SLCO1B1: variants seen among roughly 807,000 people sequenced by gnomAD.
The protein encoded by SLCO1B1 is solute carrier organic anion transporter family member 1B1, also known as OATP-2.
Under a neutral mutation model 70.1 loss-of-function variants are expected in SLCO1B1, and 81 were observed. The observed-to-expected ratio is 1.16, with a 90% CI of 0.97 to 1.39. The LOEUF (loss-of-function observed/expected upper bound fraction) is 1.39. SLCO1B1 is among the 40% of genes most tolerant of loss of function. The pLI is 0.00. For missense variants in SLCO1B1, 895 were observed against 799.6 expected, an observed-to-expected ratio of 1.12 and a Z score of -1.44; for synonymous variants, 283 against 271.5, an observed-to-expected ratio of 1.04 and a Z score of -0.42.
At chr12:21,238,082 A>T (rs1267903774) in intron 14 of SLCO1B1, among the ~76,000 whole-genome samples, 1 of 151,738 alleles carries the variant, frequency 6.6e-6, no homozygotes, top group Admixed American at 6.6e-5. Flanking sequence ...TTTCCATTAC[A>T]CCCACTTATA....
chr12:21,221,047 A>C (rs1941418120), intron 12 of SLCO1B1, among the ~76,000 whole-genome samples: 1 of 151,976 alleles, frequency 6.6e-6, no homozygotes, highest in African/African-American at 2.4e-5. Context: ...GATAAGACAA[A>C]ATTAAAAACA....
At chr12:21,151,290 A>G (rs1418418529) in intron 2 of SLCO1B1, among the ~76,000 whole-genome samples, 2 of 152,160 alleles carry the variant, frequency 1.3e-5, no homozygotes, top group African/African-American at 2.4e-5. Context: ...GACATGTGTG[A>G]CTGTAGTTAG....
chr12:21,216,623 T>C (rs1350601591), intron 11 of SLCO1B1, among the ~76,000 whole-genome samples: 1 of 152,142 alleles, frequency 6.6e-6, no homozygotes, highest in African/African-American at 2.4e-5. Context: ...TTAGCATCTC[T>C]ACCTGTCTCT....
At chr12:21,174,971 C>T (rs765020098) in intron 4 of SLCO1B1, among the ~76,000 whole-genome samples, 5 of 152,080 alleles carry the variant, frequency 3.3e-5, no homozygotes, top group Non-Finnish European at 5.9e-5. Flanking sequence ...TTTAGTATAA[C>T]GTATATACTG....
chr12:21,229,478 G>A (rs1941512235), intron 14 of SLCO1B1, among the ~76,000 whole-genome samples: 2 of 152,268 alleles, frequency 1.3e-5, no homozygotes, highest in South Asian at 2.1e-4. Context: ...CATACAGTAT[G>A]TAGCATTTTT....
intron 7 of SLCO1B1, among the ~76,000 whole-genome samples, chr12:21,184,026 C>T (rs1394749338): frequency 1.3e-5 from 2 of 151,514 alleles, no homozygotes; most frequent in African/African-American, 4.8e-5. Context: ...TTATAATCCA[C>T]TCCATCAGAC....
Position 21,197,056 on chromosome 12 carries a change from C to G in SLCO1B1, c.838C>G (p.Pro280Ala). The G allele has an allele frequency of 2.5e-6, 4 of 1,613,568 alleles. No homozygotes were observed. The highest frequency in any genetic ancestry group is 3.4e-6 in the Non-Finnish European group (4 of 1,179,724). Reference sequence around the variant, plus strand: ...TTCTTCCATACCATTCTTTTTCTTGCCCCAAACTCCAAATAAACCACAAAA... The same window carrying G: ...TTCTTCCATACCATTCTTTTTCTTGGCCCAAACTCCAAATAAACCACAAAA... ...IISSIPFFFLPQTPNKPQKER... is the reference protein window; with the variant it reads ...IISSIPFFFLAQTPNKPQKER... Residue 280 changes from proline (P) to alanine (A), a missense_variant, in exon 8 of 15, where the codon CCC (proline) becomes GCC (alanine). Coordinates refer to ENST00000256958, the MANE Select transcript of SLCO1B1 (RefSeq NM_006446.5).
At chr12:21,194,187 G>T (rs1941065530) in intron 7 of SLCO1B1, among the ~76,000 whole-genome samples, 1 of 150,588 alleles carries the variant, frequency 6.6e-6, no homozygotes, top group African/African-American at 2.4e-5. Flanking sequence ...GGCTTATTTT[G>T]TACTTTATTA....
intron 14 of SLCO1B1, 106 bp downstream of exon 14, chr12:21,224,945 AATG>A: frequency 1.6e-6 from 1 of 636,116 alleles, no homozygotes. Flanking sequence ...GCCACCATTT[AATG>A]AAAACTGACT....
At chr12:21,135,736 G>T (rs1171850087) in intron 1 of SLCO1B1, among the ~76,000 whole-genome samples, 1 of 152,128 alleles carries the variant, frequency 6.6e-6, no homozygotes, top group African/African-American at 2.4e-5. Flanking sequence ...GTCTCTGCAT[G>T]TGAGATGGAT....
rs1941627789 is a variant in SLCO1B1 at position 21,239,548 on chromosome 12, T to C, written c.*359T>C. 6.6e-6 allele frequency among the ~76,000 whole-genome samples: 1 copy of C among 152,138 alleles called. No individual in the cohort carries two copies. The highest frequency in any genetic ancestry group is 1.5e-5 in the Non-Finnish European group (1 of 67,998). Reference sequence around the variant, plus strand: ...CAGGTAGAGGTTAAAAAGGAGGAGCTAGATTCATATCCTAAGTAAAGAGAA... The same window carrying C: ...CAGGTAGAGGTTAAAAAGGAGGAGCCAGATTCATATCCTAAGTAAAGAGAA... On this transcript the variant is annotated 3_prime_UTR_variant, in exon 15 of 15. Coordinates refer to ENST00000256958, the MANE Select transcript of SLCO1B1 (RefSeq NM_006446.5).
chr12:21,194,528 A>G (rs769673149), intron 7 of SLCO1B1, among the ~76,000 whole-genome samples: 11 of 152,090 alleles, frequency 7.2e-5, no homozygotes, highest in Non-Finnish European at 7.4e-5. Context: ...CCTTTTCAGC[A>G]TGAACTTCAT....
chr12:21,205,557 GT>G (rs1421287822), intron 10 of SLCO1B1, among the ~76,000 whole-genome samples: 1 of 151,082 alleles, frequency 6.6e-6, no homozygotes, highest in East Asian at 1.9e-4. Flanking sequence ...CTAATGTGAA[GT>G]TTCTTCATAG....
intron 8 of SLCO1B1, among the ~76,000 whole-genome samples, chr12:21,200,240 A>G (rs1206261507): frequency 2.0e-5 from 3 of 152,232 alleles, no homozygotes; most frequent in Non-Finnish European, 2.9e-5. Flanking sequence ...TATTAAGTGA[A>G]GAAAGCAAGT....
intron 7 of SLCO1B1, among the ~76,000 whole-genome samples, chr12:21,191,169 T>C (rs2121129793): frequency 6.6e-6 from 1 of 152,258 alleles, no homozygotes; most frequent in East Asian, 1.9e-4. Flanking sequence ...TATATTTTTG[T>C]AAAAATACTA....
intron 2 of SLCO1B1, among the ~76,000 whole-genome samples, chr12:21,149,126 G>A (rs1293639682): frequency 6.6e-6 from 1 of 152,120 alleles, no homozygotes; most frequent in South Asian, 2.1e-4. Context: ...ATTTTGGGCT[G>A]AGACAATGGG....
At chr12:21,160,667 A>G (rs1342347835) in intron 2 of SLCO1B1, among the ~76,000 whole-genome samples, 1 of 152,268 alleles carries the variant, frequency 6.6e-6, no homozygotes, top group East Asian at 1.9e-4. Flanking sequence ...GACAAATGAG[A>G]TATAATTAAA....
intron 7 of SLCO1B1, among the ~76,000 whole-genome samples, chr12:21,194,500 T>G (rs77541141): frequency 0.01 from 1,576 of 152,270 alleles, 37 homozygotes; most frequent in South Asian, 0.039. Context: ...TCCCAATAAC[T>G]GTCATTTCTA....
chr12:21,181,800 T>A (rs374811640), intron 7 of SLCO1B1, among the ~76,000 whole-genome samples: 2 of 151,976 alleles, frequency 1.3e-5, no homozygotes, highest in Non-Finnish European at 2.9e-5. Context: ...TTGAAAAAAT[T>A]TGGGGAGATT....
Sources: gnomAD v4.1 joint callset for allele counts (sites outside exome capture counted in the v4.1 genomes callset) on GRCh38, gnomAD v4.1.1 for gene constraint, MANE v1.5 for transcripts, NCBI Gene and HGNC (gene_info 2026-07-23, HGNC 2026-07-21) for gene names.